Variants in HECW2 observed in about 807,000 individuals in gnomAD.
The protein encoded by HECW2 is E3 ubiquitin-protein ligase HECW2.
In HECW2, 61 loss-of-function variants were observed where a neutral mutation model predicts 175.2. That is an observed-to-expected ratio of 0.35 (90% CI 0.28 to 0.43). HECW2 has a LOEUF of 0.43. Among genes scored for constraint, HECW2 ranks in the 20% least tolerant of loss-of-function variants. The pLI, the probability that HECW2 is intolerant of heterozygous loss-of-function variation, is 1.00. For synonymous variants in HECW2, 671 were observed against 731.0 expected (o/e 0.92, Z 1.32); for missense variants, 1,524 against 2,000.5 (o/e 0.76, Z 4.54).
At chr2:196,406,839 G>A (rs1310593885) in intron 2 of HECW2, among the ~76,000 whole-genome samples, 1 of 152,198 alleles carries the variant, frequency 6.6e-6, no homozygotes, top group Non-Finnish European at 1.5e-5. Flanking sequence ...ACATCACCTT[G>A]CAGAAAGGTC....
chr2:196,217,301 G>A, intron 26 of HECW2: 1 of 413,826 alleles, frequency 2.4e-6, no homozygotes, highest in Non-Finnish European at 4.3e-6. Context: ...GAAACCAAGA[G>A]GTCTCTGTTT....
chr2:196,264,363 TC>T (rs1240781135), intron 17 of HECW2, among the ~76,000 whole-genome samples: 1 of 152,314 alleles, frequency 6.6e-6, no homozygotes, highest in African/African-American at 2.4e-5. Context: ...ACTGTTTTCT[TC>T]ATAAATATAA....
intron 2 of HECW2, among the ~76,000 whole-genome samples, chr2:196,381,983 C>T (rs1449771756): frequency 6.6e-6 from 1 of 151,918 alleles, no homozygotes; most frequent in Non-Finnish European, 1.5e-5. Flanking sequence ...TCAAATATAC[C>T]AGTTAATAAA....
At chr2:196,472,204 C>A (rs1480672480) in intron 1 of HECW2, among the ~76,000 whole-genome samples, 3 of 151,930 alleles carry the variant, frequency 2.0e-5, no homozygotes, top group African/African-American at 4.8e-5. Context: ...TCAAAACAGG[C>A]TGGGTGTGGT....
intron 19 of HECW2, among the ~76,000 whole-genome samples, chr2:196,252,843 T>C (rs1401540916): frequency 6.6e-6 from 1 of 152,184 alleles, no homozygotes; most frequent in Non-Finnish European, 1.5e-5. Context: ...TTCCACTTCA[T>C]ATTTCCCCAA....
At chr2:196,404,999 T>TC in intron 2 of HECW2, among the ~76,000 whole-genome samples, 1 of 150,098 alleles carries the variant, frequency 6.7e-6, no homozygotes, top group African/African-American at 2.4e-5. Flanking sequence ...AAATTTTTTT[T>TC]TTTTTGTATT....
intron 1 of HECW2, among the ~76,000 whole-genome samples, chr2:196,581,228 T>C (rs879493922): frequency 2.0e-5 from 3 of 152,142 alleles, no homozygotes; most frequent in African/African-American, 2.4e-5. Context: ...CATACTGTTG[T>C]GAATGTACTA....
chr2:196,222,111 C>A, intron 24 of HECW2, 100 bp downstream of exon 24: 1 of 1,076,364 alleles, frequency 9.3e-7, no homozygotes, highest in Non-Finnish European at 1.3e-6. Context: ...CAATAAACCA[C>A]GAATAAATAA....
At position 196,197,995 on chromosome 2, in the gene HECW2, T is replaced by C. The variant is rs1280435693; in HGVS notation, c.*3282A>G. 1.3e-5 allele frequency: 2 copies of C among 152,228 alleles called. No homozygotes were observed. Among genetic ancestry groups the C allele is most frequent in the African/African-American group, 4.8e-5 (2 of 41,464 alleles). The allele number at this position is 152,228 out of a possible 1,614,324, so 9.4% of individuals were successfully genotyped here. A position where few individuals can be genotyped will look rare whatever the true frequency, so the allele number is the denominator to read the frequency against. ...TTTCTGCTAAATTATAAACGCAATA[T>C]ATGCTAGAAAATTGTGACCATACTT... On this transcript the variant is annotated 3_prime_UTR_variant, in exon 29 of 29. Transcript: ENST00000644978.
intron 1 of HECW2, among the ~76,000 whole-genome samples, chr2:196,500,479 A>G (rs1446798276): frequency 2.0e-5 from 3 of 152,260 alleles, no homozygotes; most frequent in Non-Finnish European, 4.4e-5. Context: ...AAAAAAGAGT[A>G]AATGCTAAGT....
intron 15 of HECW2, among the ~76,000 whole-genome samples, chr2:196,275,521 AG>A (rs1321511473): frequency 9.9e-5 from 15 of 152,170 alleles, no homozygotes; most frequent in African/African-American, 3.6e-4. Context: ...TGGGTGGCCA[AG>A]GCGGGCGGAT....
chr2:196,214,139 G>C (rs772016133), intron 28 of HECW2, among the ~76,000 whole-genome samples: 32 of 152,168 alleles, frequency 2.1e-4, no homozygotes, highest in Non-Finnish European at 7.3e-5. Flanking sequence ...ATCATCCTCA[G>C]AATTTCAAAT....
chr2:196,273,427 T>C (rs1411295257), intron 16 of HECW2, among the ~76,000 whole-genome samples: 1 of 152,158 alleles, frequency 6.6e-6, no homozygotes, highest in Non-Finnish European at 1.5e-5. Flanking sequence ...GTCTGTCCAC[T>C]CCACCTGCCT....
intron 1 of HECW2, among the ~76,000 whole-genome samples, chr2:196,484,888 C>A (rs1686949869): frequency 6.6e-6 from 1 of 152,120 alleles, no homozygotes; most frequent in Non-Finnish European, 1.5e-5. Flanking sequence ...GTTAAAGATT[C>A]AATGCGGTAA....
chr2:196,218,913 C>A (rs1687571006), intron 26 of HECW2, among the ~76,000 whole-genome samples: 1 of 152,146 alleles, frequency 6.6e-6, no homozygotes, highest in Non-Finnish European at 1.5e-5. Flanking sequence ...ATGGAAACTG[C>A]AATTAAATAC....
At chr2:196,587,559 C>G (rs192922608) in intron 1 of HECW2, among the ~76,000 whole-genome samples, 1 of 152,228 alleles carries the variant, frequency 6.6e-6, no homozygotes, top group East Asian at 1.9e-4. Flanking sequence ...TTTTACACTT[C>G]AATGAACTAC....
At position 196,517,187 on chromosome 2, in the gene HECW2, A is replaced by G. The variant is rs370972510; in HGVS notation, c.-36+76321T>C. Reference sequence around the variant, plus strand: ...TCATGCATAAAAAATTATTCCTAATATCCCTCAGGCTCATTAAATCCTCTA... The same window carrying G: ...TCATGCATAAAAAATTATTCCTAATGTCCCTCAGGCTCATTAAATCCTCTA... On this transcript the variant is annotated intron_variant, in intron 1 of 28. Transcript: ENST00000644978. Among the ~76,000 whole-genome samples the G allele has an allele frequency of 1.1e-4, 16 of 152,316 alleles. No individual in the cohort carries two copies. The East Asian group carries it at 3.1e-3, about 29-fold the overall frequency.
chr2:196,315,501 C>G (rs1691661240), intron 10 of HECW2, among the ~76,000 whole-genome samples: 1 of 152,122 alleles, frequency 6.6e-6, no homozygotes, highest in Admixed American at 6.5e-5. Context: ...GGAGGCACCC[C>G]CTGCCATCAC....
chr2:196,409,222 A>G (rs1695044941), intron 2 of HECW2, among the ~76,000 whole-genome samples: 1 of 152,206 alleles, frequency 6.6e-6, no homozygotes, highest in Admixed American at 6.5e-5. Context: ...CCAACAGAGA[A>G]CAAAGAGAAG....
Sources: allele counts gnomAD v4.1 joint callset (sites outside exome capture counted in the v4.1 genomes callset), GRCh38; gene constraint gnomAD v4.1.1; transcripts MANE v1.5; gene names NCBI Gene and HGNC (gene_info 2026-07-23, HGNC 2026-07-21).